NEDD4L: variants seen among roughly 807,000 people sequenced by gnomAD.
The protein encoded by NEDD4L is E3 ubiquitin-protein ligase NEDD4-like.
In NEDD4L, 54 loss-of-function variants were observed where a neutral mutation model predicts 148.9. That is an observed-to-expected ratio of 0.36 (90% CI 0.29 to 0.45). NEDD4L has a LOEUF of 0.45. Ranked by LOEUF, NEDD4L falls within the 20% of genes least tolerant of loss-of-function variation. The pLI is 1.00. For missense variants in NEDD4L, 856 were observed against 1,233.8 expected (o/e 0.69, Z 4.59); for synonymous variants, 433 against 440.7 (o/e 0.98, Z 0.22).
At chr18:58,179,300 T>C (rs2038552491) in intron 2 of NEDD4L, among the ~76,000 whole-genome samples, 1 of 152,236 alleles carries the variant, frequency 6.6e-6, no homozygotes, top group Non-Finnish European at 1.5e-5. Context: ...TGTTTGTCCT[T>C]ACATAGTTTC....
intron 2 of NEDD4L, among the ~76,000 whole-genome samples, chr18:58,194,472 C>T (rs1568363772): frequency 6.6e-6 from 1 of 152,154 alleles, no homozygotes; most frequent in Non-Finnish European, 1.5e-5. Context: ...CCTTTTGGCT[C>T]AATAAAGCCT....
At chr18:58,307,550 T>C (rs1477993020) in intron 5 of NEDD4L, among the ~76,000 whole-genome samples, 1 of 152,184 alleles carries the variant, frequency 6.6e-6, no homozygotes, top group Non-Finnish European at 1.5e-5. Flanking sequence ...TGTATGACTC[T>C]AGTTCAGAGT....
chr18:58,319,767 GC>G (rs747326287), intron 6 of NEDD4L, among the ~76,000 whole-genome samples: 2 of 152,134 alleles, frequency 1.3e-5, no homozygotes, highest in African/African-American at 2.4e-5. Flanking sequence ...TGATTTTAAT[GC>G]CCTACCTGTT....
intron 2 of NEDD4L, among the ~76,000 whole-genome samples, chr18:58,233,980 C>A (rs1482993985): frequency 1.3e-5 from 2 of 152,192 alleles, no homozygotes; most frequent in East Asian, 3.9e-4. Flanking sequence ...GTCTACCTTT[C>A]CCCTGTTCAT....
intron 1 of NEDD4L, among the ~76,000 whole-genome samples, chr18:58,083,467 C>T (rs2083573444): frequency 2.0e-5 from 3 of 152,140 alleles, no homozygotes; most frequent in South Asian, 2.1e-4. Context: ...GCGGGTGGAT[C>T]ACGAGGTCAG....
intron 1 of NEDD4L, among the ~76,000 whole-genome samples, chr18:58,113,033 G>A (rs2085516160): frequency 6.6e-6 from 1 of 152,196 alleles, no homozygotes; most frequent in Non-Finnish European, 1.5e-5. Context: ...GAACCAGGAA[G>A]TGGCCCTAGT....
At chr18:58,381,432 A>G (rs537026653) in intron 24 of NEDD4L, among the ~76,000 whole-genome samples, 1 of 152,284 alleles carries the variant, frequency 6.6e-6, no homozygotes, top group Non-Finnish European at 1.5e-5. Context: ...GGCAACACCA[A>G]AGAAGGCTCT....
Position 58,098,168 on chromosome 18 carries a change from T to C in NEDD4L, c.48+53460T>C. 1.3e-5 allele frequency among the ~76,000 whole-genome samples: 2 copies of C among 148,748 alleles called. 1 individual carries two copies. Among genetic ancestry groups the C allele is most frequent in the East Asian group, 3.9e-4 (2 of 5,064 alleles). ...TGCAGGGCCATGGGAAGGGGGAGAG[T>C]TCATGCCTAAGGTCAGCTGAGCAGA... On this transcript the variant is annotated intron_variant, in intron 1 of 30. Transcript: ENST00000400345.
chr18:58,255,472 G>T, intron 5 of NEDD4L: 1 of 1,225,578 alleles, frequency 8.2e-7, no homozygotes, highest in African/African-American at 1.6e-5. Context: ...CTGGAATGCC[G>T]CTTGCCACTT....
At chr18:58,190,217 C>T (rs1014878738) in intron 2 of NEDD4L, among the ~76,000 whole-genome samples, 3 of 152,058 alleles carry the variant, frequency 2.0e-5, no homozygotes, top group African/African-American at 7.2e-5. Context: ...TGCAAAGAAA[C>T]TCTCCTAAGG....
chr18:58,294,564 G>A (rs2055266771), intron 5 of NEDD4L, among the ~76,000 whole-genome samples: 2 of 151,992 alleles, frequency 1.3e-5, no homozygotes, highest in Non-Finnish European at 1.5e-5. Context: ...GTTTTTCTGT[G>A]ACATTCTCAT....
intron 1 of NEDD4L, among the ~76,000 whole-genome samples, chr18:58,092,087 C>A (rs1202094760): frequency 6.6e-6 from 1 of 152,230 alleles, no homozygotes; most frequent in Admixed American, 6.5e-5. Context: ...GTAAATAAAT[C>A]TTGGAAGAAC....
At chr18:58,067,536 G>A (rs778596084) in intron 1 of NEDD4L, among the ~76,000 whole-genome samples, 14 of 152,180 alleles carry the variant, frequency 9.2e-5, no homozygotes, top group Admixed American at 3.3e-4. Context: ...GGGGGCCTGC[G>A]AGGACACACT....
intron 19 of NEDD4L, chr18:58,357,567 C>A: frequency 1.9e-6 from 1 of 523,228 alleles, no homozygotes; most frequent in South Asian, 1.6e-5. Flanking sequence ...TTATATGAAG[C>A]AAAACCAAGC....
At chr18:58,316,199 G>A (rs987680690) in intron 6 of NEDD4L, among the ~76,000 whole-genome samples, 167 bp downstream of exon 6, 1 of 152,198 alleles carries the variant, frequency 6.6e-6, no homozygotes, top group African/African-American at 2.4e-5. Flanking sequence ...CTTTCAAGGG[G>A]ATGGAGGAGA....
chr18:58,226,833 G>T (rs1268683326), intron 2 of NEDD4L, among the ~76,000 whole-genome samples: 4 of 152,094 alleles, frequency 2.6e-5, no homozygotes, highest in Non-Finnish European at 4.4e-5. Flanking sequence ...AAACCAGGGT[G>T]TGTCAGACTC....
intron 1 of NEDD4L, among the ~76,000 whole-genome samples, chr18:58,159,891 A>G (rs1250121385): frequency 6.6e-6 from 1 of 152,226 alleles, no homozygotes; most frequent in African/African-American, 2.4e-5. Flanking sequence ...AAACAGTGGA[A>G]GTCCCTGACT....
intron 27 of NEDD4L, chr18:58,388,472 A>G (rs1602017479): frequency 6.6e-6 from 1 of 152,236 alleles, no homozygotes; most frequent in Non-Finnish European, 1.5e-5. Context: ...TCATTCTGGT[A>G]CCTTTGCATA....
intron 1 of NEDD4L, among the ~76,000 whole-genome samples, chr18:58,139,286 A>G (rs55893105): frequency 0.15 from 21,313 of 142,494 alleles, 2,010 homozygotes; most frequent in East Asian, 0.3. Flanking sequence ...CTTCCCTCCC[A>G]ACCCCTCCCC....
Sources: allele counts gnomAD v4.1 joint callset (sites outside exome capture counted in the v4.1 genomes callset), GRCh38; gene constraint gnomAD v4.1.1; transcripts MANE v1.5; gene names NCBI Gene and HGNC (gene_info 2026-07-23, HGNC 2026-07-21).